PASD1: variants seen among roughly 807,000 people sequenced by gnomAD.
PASD1 encodes the protein circadian clock protein PASD1.
A neutral mutation model predicts 58.8 loss-of-function variants in PASD1; 13 were observed. The ratio of observed to expected loss-of-function variants is 0.22; its 90% CI spans 0.14 to 0.35. The LOEUF is 0.35. Ranked by LOEUF, PASD1 falls within the 10% of genes least tolerant of loss-of-function variation. The pLI is 1.00. For missense variants in PASD1, 734 were observed against 568.3 expected (o/e 1.29, Z -2.96); for synonymous variants, 236 against 216.7 (o/e 1.09, Z -0.78).
chrX:151,625,281 C>G (rs942702749), intron 7 of PASD1, among the ~76,000 whole-genome samples, 167 bp from the exon 8 acceptor site: 1 of 112,189 alleles, frequency 8.9e-6, no homozygotes, highest in Non-Finnish European at 1.9e-5. Flanking sequence ...ATCATTATAT[C>G]TCTAATCCTC....
chrX:151,655,023 G>A (rs1248547043), intron 9 of PASD1, among the ~76,000 whole-genome samples: 1 of 108,997 alleles, frequency 9.2e-6, no homozygotes, highest in East Asian at 2.9e-4. Context: ...CCCATGACAG[G>A]CCCTGGTGTG....
chrX:151,586,436 A>G (rs1025360339), intron 1 of PASD1, among the ~76,000 whole-genome samples: 9 of 112,051 alleles, frequency 8.0e-5, no homozygotes, highest in African/African-American at 2.3e-4. Flanking sequence ...CAGTGCTGTC[A>G]GGTACTAGCT....
At chrX:151,658,478 T>A (rs1053340874) in intron 9 of PASD1, among the ~76,000 whole-genome samples, 2 of 112,333 alleles carry the variant, frequency 1.8e-5, no homozygotes, top group Non-Finnish European at 3.8e-5. Flanking sequence ...AAGTTTATGT[T>A]GAAAATAATC....
chrX:151,673,980 G>T lies in PASD1; in HGVS notation c.1969G>T (p.Asp657Tyr), dbSNP rs2014511404. ...CCCCGTGAACCAGCTGCCATTGATA[G>T]ATACCTCAAACTCTGAGGCAATTTC... is the stretch of plus-strand genomic sequence containing the variant. ...GPPVNQLPLI[D>Y]TSNSEAISSS... The change falls in exon 15 of 16, where the codon GAT becomes TAT. Residue 657 changes from aspartate to tyrosine, a missense_variant. Coordinates refer to ENST00000370357, the MANE Select transcript of PASD1 (RefSeq NM_173493.3). The T allele has an allele frequency of 8.3e-7, 1 of 1,208,881 alleles. No homozygotes were observed. Among genetic ancestry groups the T allele is most frequent in the Admixed American group, 2.2e-5 (1 of 45,795 alleles).
At chrX:151,612,395 G>T (rs1444418323) in intron 4 of PASD1, among the ~76,000 whole-genome samples, 1 of 108,406 alleles carries the variant, frequency 9.2e-6, no homozygotes, top group African/African-American at 3.4e-5. Flanking sequence ...TCGCCACACT[G>T]ACTTCCACAA....
intron 1 of PASD1, among the ~76,000 whole-genome samples, chrX:151,594,277 A>G (rs2013288970): frequency 8.9e-6 from 1 of 111,775 alleles, no homozygotes; most frequent in Admixed American, 9.5e-5. Context: ...CCGGCTGATA[A>G]TTTATATTAT....
intron 8 of PASD1, among the ~76,000 whole-genome samples, chrX:151,640,544 C>A (rs754022437): frequency 1.8e-5 from 2 of 111,761 alleles, no homozygotes; most frequent in South Asian, 7.5e-4. Context: ...GAAGGCTTGG[C>A]CTTAAGGGCT....
chrX:151,626,796 G>A (rs1483459378), intron 8 of PASD1, among the ~76,000 whole-genome samples: 1 of 112,010 alleles, frequency 8.9e-6, no homozygotes, highest in Non-Finnish European at 1.9e-5. Flanking sequence ...TGTGGTCACG[G>A]TTACTATTCG....
chrX:151,648,649 A>C lies in PASD1; in HGVS notation c.664A>C (p.Lys222Gln), dbSNP rs771858466. 5.0e-6 allele frequency: 6 copies of C among 1,211,563 alleles called. No individual in the cohort carries two copies. In the East Asian group the frequency reaches 1.8e-4, roughly 36 times the overall value. Residue 222 changes from lysine to glutamine, a missense_variant, in exon 9 of 16, where the codon AAA becomes CAA. Physicochemically the swap from Lys to Gln is moderately conservative, Grantham distance 53. Coordinates refer to ENST00000370357, the MANE Select transcript of PASD1 (RefSeq NM_173493.3). ...AGGTCAAAGAGGACACACTAGCATG[A>C]AAGCCGTGTACGTTGAACCCGCTGC... ...SQGQRGHTSM[K>Q]AVYVEPAAAA... is the part of the protein sequence containing the mutation.
At chrX:151,603,124 C>G (rs1212921381) in intron 2 of PASD1, among the ~76,000 whole-genome samples, 2 of 112,681 alleles carry the variant, frequency 1.8e-5, no homozygotes, top group Non-Finnish European at 1.9e-5. Flanking sequence ...TCTGTCTACG[C>G]TGCCCCGTCA....
intron 11 of PASD1, among the ~76,000 whole-genome samples, chrX:151,668,264 C>A (rs925421811): frequency 9.0e-6 from 1 of 111,592 alleles, no homozygotes; most frequent in African/African-American, 3.3e-5. Context: ...CTGAGATAAT[C>A]GTATGGTTTT....
intron 4 of PASD1, among the ~76,000 whole-genome samples, chrX:151,612,973 C>G (rs1432128726): frequency 9.0e-6 from 1 of 111,678 alleles, no homozygotes; most frequent in Non-Finnish European, 1.9e-5. Flanking sequence ...AGTCTTTAAA[C>G]CATCTTGAAT....
At chrX:151,656,348 G>C (rs1351194152) in intron 9 of PASD1, among the ~76,000 whole-genome samples, 4 of 111,303 alleles carry the variant, frequency 3.6e-5, no homozygotes, top group Non-Finnish European at 7.5e-5. Context: ...GCTCTTTTTT[G>C]GTTCCATATG....
chrX:151,612,430 C>G (rs1439511333), intron 4 of PASD1, among the ~76,000 whole-genome samples: 3 of 109,142 alleles, frequency 2.7e-5, no homozygotes, highest in Non-Finnish European at 3.8e-5. Context: ...TACAGTCCCA[C>G]CGACAGTGTA....
chrX:151,601,242 A>G (rs1353996884), intron 1 of PASD1, among the ~76,000 whole-genome samples: 2 of 112,205 alleles, frequency 1.8e-5, no homozygotes, highest in Non-Finnish European at 3.8e-5. Context: ...TTTTTTGGTT[A>G]AGTGGTGTAA....
intron 10 of PASD1, among the ~76,000 whole-genome samples, chrX:151,661,910 AG>A (rs2014317436): frequency 8.9e-6 from 1 of 112,651 alleles, no homozygotes; most frequent in Non-Finnish European, 1.9e-5. Context: ...TGCCCTCCTT[AG>A]GGCATCATAT....
intron 1 of PASD1, among the ~76,000 whole-genome samples, chrX:151,581,418 C>G (rs1330301874): frequency 9.2e-6 from 1 of 108,218 alleles, no homozygotes; most frequent in African/African-American, 3.3e-5. Flanking sequence ...ATAGTAAAAC[C>G]TATCTCTACA....
chrX:151,639,517 A>G (rs2013973036), intron 8 of PASD1, among the ~76,000 whole-genome samples: 1 of 112,311 alleles, frequency 8.9e-6, no homozygotes, highest in Non-Finnish European at 1.9e-5. Context: ...CACTATTTCT[A>G]CATGGACTAA....
chrX:151,566,859 G>A (rs1324209396), intron 1 of PASD1, among the ~76,000 whole-genome samples: 1 of 109,021 alleles, frequency 9.2e-6, no homozygotes, highest in African/African-American at 3.3e-5. Flanking sequence ...CTGAGGTCGG[G>A]AGTTTGAGAC....
Sources: allele counts gnomAD v4.1 joint callset (sites outside exome capture counted in the v4.1 genomes callset), GRCh38; gene constraint gnomAD v4.1.1; transcripts MANE v1.5; gene names NCBI Gene and HGNC (gene_info 2026-07-23, HGNC 2026-07-21).